BTBD9: variants seen among roughly 807,000 people sequenced by gnomAD.
BTBD9 encodes the protein BTB/POZ domain-containing protein 9.
Under a neutral mutation model 64.3 loss-of-function variants are expected in BTBD9, and 49 were observed. The ratio of observed to expected loss-of-function variants is 0.76; its 90% CI spans 0.61 to 0.97. The LOEUF (loss-of-function observed/expected upper bound fraction) is 0.97. Ranked by LOEUF, BTBD9 falls within the 50% of genes least tolerant of loss-of-function variation. BTBD9 has a pLI of 0.00. For missense variants in BTBD9, 598 were observed against 762.1 expected, an observed-to-expected ratio of 0.78 and a Z score of 2.53; for synonymous variants, 260 against 274.7, an observed-to-expected ratio of 0.95 and a Z score of 0.53.
Position 38,328,227 on chromosome 6 carries a change from C to T in BTBD9, c.1264+16757G>A, listed in dbSNP as rs542866922. 1.1e-4 allele frequency among the ~76,000 whole-genome samples: 16 copies of T among 152,226 alleles called. No individual in the cohort carries two copies. In the South Asian group the frequency reaches 3.1e-3, roughly 30 times the overall value. On this transcript the variant is annotated intron_variant, in intron 7 of 10. Coordinates refer to ENST00000481247, the MANE Select transcript of BTBD9 (RefSeq NM_001099272.2). ...AGATGTTCTTCCTTACAATTTTACG[C>T]ACTATTATGGACTGAACTGTGTCCT...
intron 7 of BTBD9, among the ~76,000 whole-genome samples, chr6:38,328,684 A>G (rs1202745261): frequency 6.7e-6 from 1 of 149,788 alleles, no homozygotes; most frequent in Admixed American, 6.7e-5. Flanking sequence ...GCGGTGGCTC[A>G]CGCCTGTAAT....
At chr6:38,382,413 C>T (rs1036440605) in intron 6 of BTBD9, among the ~76,000 whole-genome samples, 2 of 150,732 alleles carry the variant, frequency 1.3e-5, no homozygotes, top group South Asian at 2.1e-4. Context: ...TTACAGAACA[C>T]ATTTAAAGGC....
intron 6 of BTBD9, among the ~76,000 whole-genome samples, chr6:38,510,321 T>A (rs1167623701): frequency 6.6e-6 from 1 of 152,202 alleles, no homozygotes; most frequent in Admixed American, 6.5e-5. Flanking sequence ...TACAATGGTA[T>A]CTGTATATCT....
At chr6:38,463,245 T>A (rs1452823046) in intron 6 of BTBD9, among the ~76,000 whole-genome samples, 1 of 152,266 alleles carries the variant, frequency 6.6e-6, no homozygotes, top group African/African-American at 2.4e-5. Context: ...TGCCACTTGC[T>A]AAATTCACTT....
intron 7 of BTBD9, among the ~76,000 whole-genome samples, chr6:38,305,477 T>A (rs1762593685): frequency 6.6e-6 from 1 of 152,134 alleles, no homozygotes; most frequent in Admixed American, 6.5e-5. Context: ...AAGGTTATTG[T>A]TTTTGTTTGT....
intron 1 of BTBD9, among the ~76,000 whole-genome samples, chr6:38,627,528 AG>A (rs2127529340): frequency 6.6e-6 from 1 of 152,294 alleles, no homozygotes; most frequent in Non-Finnish European, 1.5e-5. Context: ...CACTCCATTA[AG>A]GCAGATCTTG....
chr6:38,175,233 C>T (rs1471449752), intron 10 of BTBD9, 51 bp from the exon 11 acceptor site: 1 of 1,590,686 alleles, frequency 6.3e-7, no homozygotes, highest in African/African-American at 1.3e-5. Context: ...GCATGCGGCC[C>T]TGGAGTTGCC....
intron 6 of BTBD9, among the ~76,000 whole-genome samples, chr6:38,421,463 A>G (rs890189561): frequency 2.6e-5 from 4 of 152,144 alleles, no homozygotes; most frequent in African/African-American, 9.7e-5. Flanking sequence ...TTTGGTTTCA[A>G]AATTTTTATC....
chr6:38,445,477 A>C (rs1224321629), intron 6 of BTBD9, among the ~76,000 whole-genome samples: 1 of 152,248 alleles, frequency 6.6e-6, no homozygotes, highest in Admixed American at 6.5e-5. Flanking sequence ...AAGATGTGTC[A>C]GTCTGAAAGA....
intron 6 of BTBD9, among the ~76,000 whole-genome samples, chr6:38,408,380 C>T (rs1439005781): frequency 2.0e-5 from 3 of 151,870 alleles, no homozygotes; most frequent in Non-Finnish European, 4.4e-5. Flanking sequence ...ACCAAAAAAA[C>T]AGTTCTCATA....
At chr6:38,308,862 T>C (rs1044544465) in intron 7 of BTBD9, among the ~76,000 whole-genome samples, 5 of 151,694 alleles carry the variant, frequency 3.3e-5, no homozygotes, top group African/African-American at 9.7e-5. Context: ...AGCTCAAGCA[T>C]TTCTCTTGCC....
intron 6 of BTBD9, among the ~76,000 whole-genome samples, chr6:38,467,220 G>A (rs1363379782): frequency 6.6e-6 from 1 of 152,018 alleles, no homozygotes; most frequent in Non-Finnish European, 1.5e-5. Context: ...CCATAGAAAA[G>A]GATCTCATTC....
At chr6:38,218,182 C>T (rs1367984550) in intron 9 of BTBD9, among the ~76,000 whole-genome samples, 1 of 152,128 alleles carries the variant, frequency 6.6e-6, no homozygotes, top group African/African-American at 2.4e-5. Context: ...CAAGTCTATG[C>T]CTACCCCCAG....
At chr6:38,266,627 AAAGAAAGAAAGAAAG>A (rs1764998967) in intron 8 of BTBD9, among the ~76,000 whole-genome samples, 1 of 82,870 alleles carries the variant, frequency 1.2e-5, no homozygotes, top group African/African-American at 5.7e-5. Context: ...AGAAAGAAAG[AAAGAAAGAAAGAAAG>A]AAAGAAAGAA....
intron 7 of BTBD9, among the ~76,000 whole-genome samples, chr6:38,314,258 T>G (rs1762954148): frequency 6.6e-6 from 1 of 151,374 alleles, no homozygotes; most frequent in Admixed American, 6.6e-5. Context: ...CACAGTGGGG[T>G]GATCTCGGCT....
intron 6 of BTBD9, among the ~76,000 whole-genome samples, chr6:38,557,383 G>C (rs746586331): frequency 6.6e-6 from 1 of 152,110 alleles, no homozygotes; most frequent in Non-Finnish European, 1.5e-5. Flanking sequence ...AAGACCTTTA[G>C]AGTCAGACAG....
At chr6:38,456,458 T>C (rs188582755) in intron 6 of BTBD9, among the ~76,000 whole-genome samples, 15 of 152,348 alleles carry the variant, frequency 9.8e-5, no homozygotes, top group Admixed American at 9.8e-4. Flanking sequence ...ATTGCATTCT[T>C]ACCAGCAGAT....
intron 9 of BTBD9, among the ~76,000 whole-genome samples, chr6:38,200,034 G>T: frequency 6.6e-6 from 1 of 152,224 alleles, no homozygotes; most frequent in East Asian, 1.9e-4. Flanking sequence ...CAGACCTGAG[G>T]TCAGGAGAAG....
intron 6 of BTBD9, among the ~76,000 whole-genome samples, chr6:38,442,661 CTTT>C (rs11313452): frequency 3.5e-5 from 2 of 57,538 alleles, no homozygotes; most frequent in African/African-American, 1.4e-4. Context: ...CATTTGTACT[CTTT>C]TTTTTTTTTT....
Sources: allele counts gnomAD v4.1 joint callset (sites outside exome capture counted in the v4.1 genomes callset), GRCh38; gene constraint gnomAD v4.1.1; transcripts MANE v1.5; gene names NCBI Gene and HGNC (gene_info 2026-07-23, HGNC 2026-07-21).